PLCH1: variants seen among roughly 807,000 people sequenced by gnomAD.
The protein encoded by PLCH1 is phospholipase C eta 1.
PLCH1 carries 60 observed loss-of-function variants against 126.7 expected under a neutral mutation model. The observed-to-expected ratio is 0.47, with a 90% CI of 0.38 to 0.59. The LOEUF (loss-of-function observed/expected upper bound fraction) is 0.59, where lower values mean the gene tolerates loss of function less well. Ranked by LOEUF, PLCH1 falls within the 20% of genes least tolerant of loss-of-function variation. The pLI is 0.00. For synonymous variants in PLCH1, 719 were observed against 734.9 expected, an observed-to-expected ratio of 0.98 and a Z score of 0.35; for missense variants, 1,723 against 2,040.0, an observed-to-expected ratio of 0.84 and a Z score of 2.99.
At chr3:155,606,459 A>G (rs1262729208) in intron 2 of PLCH1, among the ~76,000 whole-genome samples, 1 of 152,214 alleles carries the variant, frequency 6.6e-6, no homozygotes, top group Non-Finnish European at 1.5e-5. Context: ...CCACATTATG[A>G]GGAAACTTTC....
intron 12 of PLCH1, among the ~76,000 whole-genome samples, chr3:155,514,145 T>C (rs1399841110): frequency 6.6e-6 from 1 of 152,188 alleles, no homozygotes; most frequent in Non-Finnish European, 1.5e-5. Flanking sequence ...ACAAATAAAT[T>C]TGCCGCTTAC....
chr3:155,650,521 C>G (rs1577240812), intron 2 of PLCH1, among the ~76,000 whole-genome samples: 1 of 152,052 alleles, frequency 6.6e-6, no homozygotes. Flanking sequence ...AGTCACTGAA[C>G]TGGAATAAGC....
At chr3:155,571,910 G>A (rs934130609) in intron 6 of PLCH1, among the ~76,000 whole-genome samples, 3 of 152,122 alleles carry the variant, frequency 2.0e-5, no homozygotes, top group Non-Finnish European at 4.4e-5. Context: ...CCAAGTATGC[G>A]AATGTTGAAC....
rs1560128154 is a variant in PLCH1, at chr3:155,537,200, AC to A, written c.1362+12586del. On this transcript the variant is annotated intron_variant, in intron 10 of 22. Transcript: ENST00000460012. ...AGCTAGCACTACAAAAAAAAAAAAAACCAAAAAAAAAAAAAAAAAAAAAAAA... is the reference window on the plus strand; with the variant it reads ...AGCTAGCACTACAAAAAAAAAAAAAACAAAAAAAAAAAAAAAAAAAAAAAA... Among the ~76,000 whole-genome samples the A allele has an allele frequency of 1.3e-3, 60 of 45,044 alleles. 2 individuals carry two copies. The highest frequency in any genetic ancestry group is 4.1e-3 in the African/African-American group (42 of 10,352). The allele number at this position is 45,044 out of a possible 152,430, so 29.6% of individuals were successfully genotyped here.
At chr3:155,558,076 T>A (rs9819625) in intron 8 of PLCH1, among the ~76,000 whole-genome samples, 1 of 152,230 alleles carries the variant, frequency 6.6e-6, no homozygotes, top group Non-Finnish European at 1.5e-5. Flanking sequence ...CAAGACACTG[T>A]GTACATATCC....
rs779342795 is a variant in PLCH1 at position 155,488,068 on chromosome 3, G to A, written c.2579C>T (p.Ser860Phe). 1 of 1,608,998 alleles carries A rather than the reference G, an allele frequency of 6.2e-7. No individual in the cohort carries two copies. Among genetic ancestry groups the A allele is most frequent in the African/African-American group, 1.3e-5 (1 of 74,932 alleles). Residue 860 changes from serine (S) to phenylalanine (F), a missense_variant, in exon 21 of 23, where the codon TCC (serine) becomes TTC (phenylalanine). Transcript: ENST00000460012. Reference sequence around the variant, plus strand: ...ATTGATGGTTATGTGTACAAATATGGATGCTTCTGTCAGTCCTTCCAAATA... The same window carrying A: ...ATTGATGGTTATGTGTACAAATATGAATGCTTCTGTCAGTCCTTCCAAATA... ...HVYLEGLTEA[S>F]IFVHITINEI...
At chr3:155,457,625 T>C (rs1335385824) in intron 21 of PLCH1, 1 of 152,192 alleles carries the variant, frequency 6.6e-6, no homozygotes, top group Non-Finnish European at 1.5e-5. Context: ...TAGTACATTA[T>C]ATTAATATTA....
chr3:155,625,631 T>C (rs1737139210), intron 2 of PLCH1, among the ~76,000 whole-genome samples: 1 of 152,134 alleles, frequency 6.6e-6, no homozygotes, highest in African/African-American at 2.4e-5. Context: ...AAAAAGCTCA[T>C]CATCACTGGT....
chr3:155,669,653 AG>A (rs1426665111), intron 2 of PLCH1, among the ~76,000 whole-genome samples: 2 of 152,248 alleles, frequency 1.3e-5, no homozygotes, highest in African/African-American at 4.8e-5. Flanking sequence ...AAAATAAGTT[AG>A]TAAATAAAAG....
intron 18 of PLCH1, 107 bp downstream of exon 18, chr3:155,492,622 T>C: frequency 3.0e-6 from 3 of 1,002,774 alleles, no homozygotes; most frequent in Non-Finnish European, 4.2e-6. Flanking sequence ...AGGTCAGTGC[T>C]CAGTTATGAA....
chr3:155,536,260 C>G (rs566638554), intron 10 of PLCH1, among the ~76,000 whole-genome samples: 8 of 152,250 alleles, frequency 5.3e-5, no homozygotes, highest in African/African-American at 1.9e-4. Context: ...TATGAAAAAG[C>G]AAGTTTCTTT....
In PLCH1 at chr3:155,494,214, C is replaced by T; in HGVS notation, c.2109G>A (p.Met703Ile). Residue 703 changes from methionine (M) to isoleucine (I), a missense_variant, in exon 17 of 23, where the codon ATG becomes ATA. Physicochemically the swap from Met to Ile is conservative, Grantham distance 10 (BLOSUM62 1). Around this residue, in one of 2 missense-constraint regions of PLCH1, gnomAD observed 776 missense variants for 1,062.9 expected, o/e 0.73. Transcript: ENST00000460012. ...ALNYQSEGRM[M>I]QLNRAKFKAN... is the part of the protein sequence containing the mutation. ...CCTTGAATTTGGCTCGGTTTAACTGCATCATTCGTCCTTCAGATTGATAAT... is the reference window on the plus strand; with the variant it reads ...CCTTGAATTTGGCTCGGTTTAACTGTATCATTCGTCCTTCAGATTGATAAT... 1.2e-6 allele frequency: 2 copies of T among 1,614,122 alleles called. No homozygotes were observed. Among genetic ancestry groups the T allele is most frequent in the Non-Finnish European group, 1.7e-6 (2 of 1,180,006 alleles).
chr3:155,472,067 T>C, intron 21 of PLCH1, among the ~76,000 whole-genome samples: 1 of 151,816 alleles, frequency 6.6e-6, no homozygotes, highest in Middle Eastern at 3.2e-3. Context: ...AGGCAAGAAA[T>C]AACTGAAATC....
rs143305211 is a variant in PLCH1 at position 155,616,580 on chromosome 3, T to C, written c.80-20202A>G. ...AACTTGTTTAAATTAGATTTACATA[T>C]AAAATTTTATTAAAATTAGCTTTAG... On this transcript the variant is annotated intron_variant, in intron 2 of 22. Coordinates refer to ENST00000460012, the MANE Select transcript of PLCH1 (RefSeq NM_014996.4). Among the ~76,000 whole-genome samples, 453 of 152,272 alleles carry C rather than the reference T, an allele frequency of 3.0e-3. 3 individuals carry two copies. The highest frequency in any genetic ancestry group is 0.01 in the African/African-American group (423 of 41,568).
rs763339536 is a variant in PLCH1, at chr3:155,593,901, G to A, written c.470+40C>T. On this transcript the variant is annotated intron_variant, in intron 4 of 22. Transcript: ENST00000460012. Reference sequence around the variant, plus strand: ...ACAAATGCACACACGCATACACAGAGAGCAAGAGAGAGCTGAAAATAAAGT... The same window carrying A: ...ACAAATGCACACACGCATACACAGAAAGCAAGAGAGAGCTGAAAATAAAGT... 5.0e-6 allele frequency: 8 copies of A among 1,603,008 alleles called. No individual in the cohort carries two copies. In the South Asian group the frequency reaches 8.9e-5, roughly 18 times the overall value.
chr3:155,568,470 A>G (rs183281182), intron 6 of PLCH1, 146 bp from the exon 7 acceptor site: 387 of 444,464 alleles, frequency 8.7e-4, no homozygotes, highest in Non-Finnish European at 1.3e-3. Context: ...TGTCACAGCT[A>G]TTTTATCTTT....
intron 1 of PLCH1, chr3:155,742,613 C>G (rs536573146): frequency 1.3e-4 from 20 of 152,262 alleles, no homozygotes; most frequent in African/African-American, 4.8e-4. Context: ...GGAATTGGAG[C>G]CAGTTACAAG....
downstream of PLCH1, among the ~76,000 whole-genome samples, chr3:155,475,838 G>C (rs1020575946): frequency 1.3e-5 from 2 of 152,034 alleles, no homozygotes; most frequent in African/African-American, 4.8e-5. Context: ...TCTCAGTAGA[G>C]AAAAGCCTGC....
chr3:155,495,887 T>A (rs1716961755), intron 15 of PLCH1, among the ~76,000 whole-genome samples: 1 of 152,238 alleles, frequency 6.6e-6, no homozygotes, highest in Non-Finnish European at 1.5e-5. Context: ...TTTACATATC[T>A]CAAGCATACT....
Sources: gnomAD v4.1 joint callset for allele counts (sites outside exome capture counted in the v4.1 genomes callset) on GRCh38, gnomAD v4.1.1 for gene constraint, gnomAD v4.1.1 regional missense constraint, MANE v1.5 for transcripts, NCBI Gene and HGNC (gene_info 2026-07-23, HGNC 2026-07-21) for gene names.